COL4A6: variants seen among roughly 807,000 people sequenced by gnomAD.
COL4A6 encodes collagen alpha-6(IV) chain.
In COL4A6, 59 loss-of-function variants were observed where a neutral mutation model predicts 126.7. The observed-to-expected ratio is 0.47, with a 90% CI of 0.38 to 0.58. The LOEUF is 0.58. Among genes scored for constraint, COL4A6 ranks in the 20% least tolerant of loss-of-function variants. The probability of loss-of-function intolerance (pLI) is 0.00; values close to 1 mark genes in which losing one functional copy is unlikely to be tolerated. For synonymous variants in COL4A6, 547 were observed against 496.6 expected, an observed-to-expected ratio of 1.10 and a Z score of -1.35; for missense variants, 1,285 against 1,337.3, an observed-to-expected ratio of 0.96 and a Z score of 0.61.
At chrX:108,172,230 ATCCC>A (rs1251253168) in intron 32 of COL4A6, among the ~76,000 whole-genome samples, 2 of 109,283 alleles carry the variant, frequency 1.8e-5, no homozygotes, top group Non-Finnish European at 3.8e-5. Flanking sequence ...AATGCCTGTA[ATCCC>A]AGCTACTTAG....
At chrX:108,432,847 C>CA (rs987152574) in intron 2 of COL4A6, among the ~76,000 whole-genome samples, 3 of 109,574 alleles carry the variant, frequency 2.7e-5, no homozygotes, top group African/African-American at 6.7e-5. Flanking sequence ...AACAAAAAAA[C>CA]AAAAAAACAA....
intron 2 of COL4A6, among the ~76,000 whole-genome samples, chrX:108,414,000 G>A (rs73638833): frequency 0.018 from 2,067 of 112,080 alleles, 34 homozygotes; most frequent in East Asian, 0.076. Context: ...AGAGCAAAGC[G>A]AAATTCATAG....
At chrX:108,194,496 T>C (rs1187061043) in intron 16 of COL4A6, 38 bp downstream of exon 16, 1 of 1,162,811 alleles carries the variant, frequency 8.6e-7, no homozygotes, top group Non-Finnish European at 1.2e-6. Flanking sequence ...TTCACTCTTC[T>C]ACCTACCAAC....
chrX:108,302,808 CAT>C lies in COL4A6; in HGVS notation c.144+7938_144+7939del, dbSNP rs962855858. Among the ~76,000 whole-genome samples, 8 of 111,202 alleles carry C rather than the reference CAT, an allele frequency of 7.2e-5. No homozygotes were observed. In the South Asian group the frequency reaches 1.2e-3, roughly 16 times the overall value. On this transcript the variant is annotated intron_variant, in intron 3 of 44. Coordinates refer to ENST00000334504, the MANE Select transcript of COL4A6 (RefSeq NM_033641.4). ...TGATGAGGATGCCAGTGAAAATACA[CAT>C]GTTACATATAATAGTAATAATAATA... is the stretch of plus-strand genomic sequence containing the variant.
chrX:108,187,192 C>T lies in COL4A6; in HGVS notation c.1855G>A (p.Gly619Arg), dbSNP rs751407114. The part of the protein sequence containing the change: ...KGHPGPPGLP[G>R]NGLPGLPGPR... ...CCAGGAAGTCCTGGTAACCCATTTCCTGGGAGGCCAGGTGGACCAGGATGG... is the reference window on the plus strand; with the variant it reads ...CCAGGAAGTCCTGGTAACCCATTTCTTGGGAGGCCAGGTGGACCAGGATGG... The change falls in exon 23 of 45, where the codon GGA becomes AGA. Residue 619 changes from glycine (G) to arginine (R), a missense_variant. By Grantham distance (125) the Gly-to-Arg change is moderately radical (BLOSUM62 -2). Transcript: ENST00000334504. 1.2e-5 allele frequency: 14 copies of T among 1,194,958 alleles called. No homozygotes were observed. In the South Asian group the frequency reaches 2.6e-4, roughly 22 times the overall value.
intron 2 of COL4A6, among the ~76,000 whole-genome samples, chrX:108,355,554 C>T (rs1569440512): frequency 8.9e-6 from 1 of 111,927 alleles, no homozygotes; most frequent in Non-Finnish European, 1.9e-5. Context: ...TCAAATAGTA[C>T]ATAAATAAAA....
intron 3 of COL4A6, among the ~76,000 whole-genome samples, chrX:108,273,718 G>A (rs1337766865): frequency 8.9e-6 from 1 of 111,876 alleles, no homozygotes; most frequent in Non-Finnish European, 1.9e-5. Flanking sequence ...TTTTAAAAGT[G>A]TTTCTAGGTG....
chrX:108,388,011 A>G (rs1040657527), intron 2 of COL4A6, among the ~76,000 whole-genome samples: 1 of 111,822 alleles, frequency 8.9e-6, no homozygotes, highest in Non-Finnish European at 1.9e-5. Flanking sequence ...TATGTGATGG[A>G]TTACATTTAT....
At chrX:108,343,851 G>C (rs1211087816) in intron 2 of COL4A6, among the ~76,000 whole-genome samples, 1 of 108,993 alleles carries the variant, frequency 9.2e-6, no homozygotes, top group Non-Finnish European at 1.9e-5. Flanking sequence ...GTGAGCGTTG[G>C]GGGGAGTTAA....
chrX:108,372,651 A>G (rs1034145515), intron 2 of COL4A6, among the ~76,000 whole-genome samples: 1 of 111,696 alleles, frequency 9.0e-6, no homozygotes, highest in African/African-American at 3.3e-5. Flanking sequence ...TTTCAAGATG[A>G]TAAAAGCTCA....
At chrX:108,288,363 CA>C (rs1055840568) in intron 3 of COL4A6, among the ~76,000 whole-genome samples, 2 of 111,541 alleles carry the variant, frequency 1.8e-5, no homozygotes, top group Admixed American at 9.5e-5. Flanking sequence ...TGCCAGTTGA[CA>C]AAAAAAGTAC....
chrX:108,352,663 AT>A (rs775358586), intron 2 of COL4A6, among the ~76,000 whole-genome samples: 63 of 112,579 alleles, frequency 5.6e-4, no homozygotes, highest in Non-Finnish European at 1.0e-3. Flanking sequence ...TTAAAACATT[AT>A]TTTAAATATC....
chrX:108,162,939 G>C lies in COL4A6; in HGVS notation c.4169C>G (p.Pro1390Arg). Reference sequence around the variant, plus strand: ...AGCCCCAGGGTCCCCAGTGAGGCCAGGGATGCCATCGATCCCTGGTAGACC... The same window carrying C: ...AGCCCCAGGGTCCCCAGTGAGGCCACGGATGCCATCGATCCCTGGTAGACC... ...PLGLPGIDGI[P>R]GLTGDPGAQG... is the part of the protein sequence containing the mutation. Residue 1390 changes from proline (P) to arginine (R), a missense_variant, in exon 41 of 45, where the codon CCT (proline) becomes CGT (arginine). Physicochemically the swap from Pro to Arg is moderately radical, Grantham distance 103. Transcript: ENST00000334504. 8.3e-7 allele frequency: 1 copy of C among 1,203,830 alleles called. No individual in the cohort carries two copies. Among genetic ancestry groups the C allele is most frequent in the Non-Finnish European group, 1.1e-6 (1 of 891,986 alleles).
At position 108,213,028 on chromosome X, in the gene COL4A6, C is replaced by T. The variant is rs1044713622; in HGVS notation, c.441+1084G>A. Among the ~76,000 whole-genome samples the T allele has an allele frequency of 2.7e-5, 3 of 111,535 alleles. No individual in the cohort carries two copies. The East Asian group carries it at 8.5e-4, about 32-fold the overall frequency. On this transcript the variant is annotated intron_variant, in intron 6 of 44. Transcript: ENST00000334504. ...ATCTCATCCTATGTTAGCAATACAT[C>T]TTTCCTTACCTCCCCACCCCCCGGC...
At chrX:108,220,089 C>T (rs2035975949) in intron 4 of COL4A6, among the ~76,000 whole-genome samples, 1 of 111,489 alleles carries the variant, frequency 9.0e-6, no homozygotes, top group Non-Finnish European at 1.9e-5. Context: ...AGATAAGGTC[C>T]CCTAGCCGAA....
intron 3 of COL4A6, chrX:108,269,257 G>A (rs1664110464): frequency 9.9e-6 from 3 of 303,899 alleles, no homozygotes; most frequent in East Asian, 2.0e-4. Context: ...TAGAAGGTTC[G>A]TGAGAGCAAA....
At chrX:108,230,787 A>G (rs370915240) in intron 3 of COL4A6, among the ~76,000 whole-genome samples, 1 of 111,874 alleles carries the variant, frequency 8.9e-6, no homozygotes, top group East Asian at 2.8e-4. Context: ...GAGTTACATC[A>G]GAGCCTCCCA....
chrX:108,315,848 G>A (rs2038869635), intron 2 of COL4A6, among the ~76,000 whole-genome samples: 1 of 111,913 alleles, frequency 8.9e-6, no homozygotes, highest in African/African-American at 3.3e-5. Context: ...CTGGGATCAG[G>A]ACCATGTCTT....
intron 5 of COL4A6, among the ~76,000 whole-genome samples, chrX:108,216,728 G>A (rs2035867356): frequency 1.8e-5 from 2 of 112,822 alleles, no homozygotes; most frequent in South Asian, 7.3e-4. Context: ...ACATGGAATA[G>A]GAGGATCTGT....
Sources: gnomAD v4.1 joint callset for allele counts (sites outside exome capture counted in the v4.1 genomes callset) on GRCh38, gnomAD v4.1.1 for gene constraint, MANE v1.5 for transcripts, NCBI Gene and HGNC (gene_info 2026-07-23, HGNC 2026-07-21) for gene names.